Variants in CTNNA2 observed in about 807,000 individuals in gnomAD.
The protein encoded by CTNNA2 is catenin alpha-2.
In CTNNA2, 42 loss-of-function variants were observed where a neutral mutation model predicts 101.0. That is an observed-to-expected ratio of 0.42 (90% CI 0.32 to 0.54). The LOEUF is 0.54. Ranked by LOEUF, CTNNA2 falls within the 20% of genes least tolerant of loss-of-function variation. CTNNA2 has a pLI of 0.14. For synonymous variants in CTNNA2, 450 were observed against 456.4 expected, an observed-to-expected ratio of 0.99 and a Z score of 0.18; for missense variants, 871 against 1,223.1, an observed-to-expected ratio of 0.71 and a Z score of 4.29.
In CTNNA2 at chr2:80,210,999, C is replaced by T. The variant is rs556721499; in HGVS notation, c.1057-182212C>T. ...GAACATTTTTTCATGTGTCTGTTGG[C>T]TGCATAAATGTCTTCTTTTGAGAAG... On this transcript the variant is annotated intron_variant, in intron 7 of 18. Transcript: ENST00000402739. 1.5e-3 allele frequency among the ~76,000 whole-genome samples: 231 copies of T among 152,258 alleles called. 1 individual carries two copies. The highest frequency in any genetic ancestry group is 5.2e-3 in the African/African-American group (214 of 41,552).
intron 3 of CTNNA2, among the ~76,000 whole-genome samples, chr2:79,364,342 C>T: frequency 6.6e-6 from 1 of 152,130 alleles, no homozygotes; most frequent in East Asian, 1.9e-4. Flanking sequence ...CAGCAACAAA[C>T]TTCTCATATG....
At chr2:79,687,847 T>C in intron 2 of CTNNA2, 1 of 398,034 alleles carries the variant, frequency 2.5e-6, no homozygotes, top group Non-Finnish European at 4.5e-6. Flanking sequence ...ATTCAGTTTT[T>C]ATTTGAAGGA....
At position 80,158,917 on chromosome 2, in the gene CTNNA2, A is replaced by C. The variant is rs950851744; in HGVS notation, c.1057-234294A>C. On this transcript the variant is annotated intron_variant, in intron 7 of 18. Transcript: ENST00000402739. ...CAGAGTGAGACTCCGTCTCAAAAAA[A>C]AAAAAAAAAGAATGTCATACAAATG... is the stretch of plus-strand genomic sequence containing the variant. Among the ~76,000 whole-genome samples the C allele has an allele frequency of 3.0e-3, 461 of 152,260 alleles. 2 individuals carry two copies. The highest frequency in any genetic ancestry group is 0.011 in the African/African-American group (447 of 41,568).
At chr2:79,581,505 A>G (rs1317574884) in intron 1 of CTNNA2, among the ~76,000 whole-genome samples, 1 of 152,140 alleles carries the variant, frequency 6.6e-6, no homozygotes, top group Non-Finnish European at 1.5e-5. Flanking sequence ...GGCCTGGAGG[A>G]CAGAGGAAGA....
chr2:79,429,190 A>C (rs1678625082), intron 4 of CTNNA2, among the ~76,000 whole-genome samples: 1 of 152,176 alleles, frequency 6.6e-6, no homozygotes, highest in African/African-American at 2.4e-5. Flanking sequence ...CACAATTAAA[A>C]CAAAGTAACA....
chr2:80,066,811 A>G (rs1170728927), intron 7 of CTNNA2, among the ~76,000 whole-genome samples: 2 of 152,212 alleles, frequency 1.3e-5, no homozygotes, highest in Non-Finnish European at 2.9e-5. Flanking sequence ...CGTTATTCAC[A>G]ATAGCCAAAA....
chr2:79,364,345 C>T (rs968372318), intron 3 of CTNNA2, among the ~76,000 whole-genome samples: 1 of 152,130 alleles, frequency 6.6e-6, no homozygotes, highest in African/African-American at 2.4e-5. Context: ...CAACAAACTT[C>T]TCATATGTTT....
chr2:79,719,630 G>T (rs910032356), intron 2 of CTNNA2, among the ~76,000 whole-genome samples: 6 of 152,046 alleles, frequency 3.9e-5, no homozygotes, highest in African/African-American at 1.4e-4. Context: ...GTGTTGATTT[G>T]CATTTCTACG....
chr2:80,212,526 A>T (rs1707964023), intron 7 of CTNNA2, among the ~76,000 whole-genome samples: 1 of 152,070 alleles, frequency 6.6e-6, no homozygotes, highest in Non-Finnish European at 1.5e-5. Flanking sequence ...ATGTTTATTG[A>T]TTTGCATATG....
intron 7 of CTNNA2, among the ~76,000 whole-genome samples, chr2:79,956,859 TTTTTTTTTTCAGTGTATGAAGCTA>T (rs1430538248): frequency 6.7e-6 from 1 of 148,944 alleles, no homozygotes; most frequent in Non-Finnish European, 1.5e-5. Context: ...TTTTTTTTTT[TTTTTTTTTTCAGTGTATGAAGCTA>T]TTTAAGGCAG....
chr2:80,210,350 C>T lies in CTNNA2; in HGVS notation c.1057-182861C>T, dbSNP rs1251874865. ...TTTATATTAGGTATATCGCCTAATG[C>T]TATCCTTCCCCCCTCCCCATACCCC... On this transcript the variant is annotated intron_variant, in intron 7 of 18. Transcript: ENST00000402739. 3.9e-5 allele frequency among the ~76,000 whole-genome samples: 6 copies of T among 152,274 alleles called. No homozygotes were observed. The East Asian group carries it at 1.2e-3, about 29-fold the overall frequency.
intron 3 of CTNNA2, among the ~76,000 whole-genome samples, chr2:79,781,333 A>G (rs1674410748): frequency 6.6e-6 from 1 of 152,138 alleles, no homozygotes; most frequent in Admixed American, 6.5e-5. Flanking sequence ...CTTTACTGCA[A>G]CCTGTTTTAT....
intron 2 of CTNNA2, among the ~76,000 whole-genome samples, chr2:79,667,527 T>C (rs901015394): frequency 6.6e-6 from 1 of 152,174 alleles, no homozygotes; most frequent in Non-Finnish European, 1.5e-5. Flanking sequence ...GAATTGTTTT[T>C]AAGTAAATGA....
chr2:80,444,915 G>C (rs1041847751), intron 9 of CTNNA2, among the ~76,000 whole-genome samples: 1 of 152,076 alleles, frequency 6.6e-6, no homozygotes, highest in South Asian at 2.1e-4. Context: ...AAGCTGTTTA[G>C]CAGCATCCCT....
At chr2:79,254,041 C>T (rs139077042) in intron 2 of CTNNA2, among the ~76,000 whole-genome samples, 171 of 152,296 alleles carry the variant, frequency 1.1e-3, no homozygotes, top group African/African-American at 3.9e-3. Flanking sequence ...ATGGAACCGT[C>T]TCCCACGGAC....
chr2:80,168,695 A>C (rs1704852572), intron 7 of CTNNA2, among the ~76,000 whole-genome samples: 1 of 152,168 alleles, frequency 6.6e-6, no homozygotes, highest in Admixed American at 6.5e-5. Flanking sequence ...GCAGCTTTAC[A>C]AACTTTTTGA....
intron 12 of CTNNA2, among the ~76,000 whole-genome samples, chr2:80,567,906 C>T (rs1471583201): frequency 1.3e-5 from 2 of 151,928 alleles, no homozygotes; most frequent in Non-Finnish European, 2.9e-5. Context: ...TTAACAGTTA[C>T]TAAACTGTTT....
intron 9 of CTNNA2, among the ~76,000 whole-genome samples, chr2:80,534,201 T>C (rs916610421): frequency 6.6e-6 from 1 of 152,042 alleles, no homozygotes; most frequent in African/African-American, 2.4e-5. Context: ...CTCTAGAAAA[T>C]GCAGATTTGT....
At chr2:80,007,592 G>C (rs1400883795) in intron 7 of CTNNA2, among the ~76,000 whole-genome samples, 1 of 152,146 alleles carries the variant, frequency 6.6e-6, no homozygotes, top group Non-Finnish European at 1.5e-5. Context: ...CCCTGCCCAA[G>C]CCATTAGGAA....
Sources: allele counts gnomAD v4.1 joint callset (sites outside exome capture counted in the v4.1 genomes callset), GRCh38; gene constraint gnomAD v4.1.1; transcripts MANE v1.5; gene names NCBI Gene and HGNC (gene_info 2026-07-23, HGNC 2026-07-21).